Variants in AKAP8 observed in about 807,000 individuals in gnomAD.
AKAP8 encodes A-kinase anchor protein 8.
In AKAP8, 24 loss-of-function variants were observed where a neutral mutation model predicts 67.5. The observed-to-expected ratio is 0.36, with a 90% confidence interval of 0.26 to 0.50. AKAP8 has a LOEUF of 0.50. AKAP8 is among the 20% of genes least tolerant of loss of function. The pLI, the probability that AKAP8 is intolerant of heterozygous loss-of-function variation, is 0.97. For synonymous variants in AKAP8, 400 were observed against 371.1 expected, an observed-to-expected ratio of 1.08 and a Z score of -0.90; for missense variants, 971 against 955.9, an observed-to-expected ratio of 1.02 and a Z score of -0.21.
intron 9 of AKAP8, among the ~76,000 whole-genome samples, chr19:15,366,530 CT>C (rs920471999): frequency 1.6e-3 from 234 of 142,270 alleles, no homozygotes; most frequent in Admixed American, 2.0e-3. Context: ...CAGTGATTTT[CT>C]TTTTTTTTTT....
intron 9 of AKAP8, among the ~76,000 whole-genome samples, chr19:15,366,154 G>GA (rs374068497): frequency 0.77 from 73,290 of 94,678 alleles, 27,860 homozygotes; most frequent in East Asian, 0.97. Context: ...AAAGCAAAAA[G>GA]AAAAAAAAAA....
In AKAP8 at chr19:15,354,946, G is replaced by GC; in HGVS notation, c.2047dup (p.Ala683GlyfsTer4). 2 of 1,614,148 alleles carry GC rather than the reference G, an allele frequency of 1.2e-6. No individual in the cohort carries two copies. Among genetic ancestry groups the GC allele is most frequent in the East Asian group, 4.5e-5 (2 of 44,892 alleles). ...TGTGGGAACAGCGTCTTTAGACTCT[G>GC]CATCAGTTTGTTCCACTTCAGCATC... On this transcript the variant is annotated frameshift_variant, in exon 14 of 14. Coordinates refer to ENST00000269701, the MANE Select transcript of AKAP8 (RefSeq NM_005858.4). LOFTEE classifies it high-confidence loss of function.
chr19:15,374,073 A>T lies in AKAP8; in HGVS notation c.92-8T>A. 6.5e-7 allele frequency: 1 copy of T among 1,538,622 alleles called. No homozygotes were observed. Among genetic ancestry groups the T allele is most frequent in the Non-Finnish European group, 8.7e-7 (1 of 1,145,104 alleles). ...AATTGTAGTTTTCATAACCTGTCAC[A>T]GGGGGAGGAGCCAAGTCAGACTTCA... On this transcript the variant is annotated splice_region_variant and splice_polypyrimidine_tract_variant and intron_variant, in intron 3 of 13. Coordinates refer to ENST00000269701, the MANE Select transcript of AKAP8 (RefSeq NM_005858.4).
At chr19:15,361,528 T>G in intron 11 of AKAP8, 1 of 473,344 alleles carries the variant, frequency 2.1e-6, no homozygotes, top group Non-Finnish European at 3.8e-6. Context: ...TTTTTTGTAT[T>G]TTTTTAGTAG....
At position 15,354,440 on chromosome 19, in the gene AKAP8, C is replaced by A. The variant is rs2048263631; in HGVS notation, c.*475G>T. On this transcript the variant is annotated 3_prime_UTR_variant, in exon 14 of 14. Coordinates refer to ENST00000269701, the MANE Select transcript of AKAP8 (RefSeq NM_005858.4). ...TGCGAAGTCCTGTGAAAGTCACACA[C>A]CATATGGTGCACTACAAAGGTATAG... The A allele has an allele frequency of 6.1e-6, 1 of 163,088 alleles. No individual in the cohort carries two copies. Among genetic ancestry groups the A allele is most frequent in the Non-Finnish European group, 1.4e-5 (1 of 73,666 alleles). 10.1% of individuals were successfully genotyped at this position (163,088 alleles called of 1,614,324 possible). A position where few individuals can be genotyped will look rare whatever the true frequency, so the allele number is the denominator to read the frequency against.
chr19:15,360,394 C>T (rs1014455754), intron 12 of AKAP8, among the ~76,000 whole-genome samples: 2 of 152,294 alleles, frequency 1.3e-5, no homozygotes, highest in Non-Finnish European at 2.9e-5. Context: ...GTCTGCAATG[C>T]TAAAAATACT....
At position 15,354,349 on chromosome 19, in the gene AKAP8, C is replaced by T. The variant is rs145532714; in HGVS notation, c.*566G>A. ...TGTGTTTCCAGTGGCGTAGGTCGGT[C>T]AGATACTTCTGGCCTTTGGGAGTGC... On this transcript the variant is annotated 3_prime_UTR_variant, in exon 14 of 14. Transcript: ENST00000269701. The T allele has an allele frequency of 0.011, 1,686 of 156,442 alleles. 22 individuals are homozygous for T. The highest frequency in any genetic ancestry group is 0.039 in the African/African-American group (1,599 of 41,526). The allele number at this position is 156,442 out of a possible 1,614,324, so 9.7% of individuals were successfully genotyped here.
chr19:15,355,229 C>T lies in AKAP8; in HGVS notation c.1765G>A (p.Val589Ile), dbSNP rs150076099. The T allele has an allele frequency of 2.7e-5, 43 of 1,611,390 alleles. No individual in the cohort carries two copies. In the African/African-American group the frequency reaches 2.7e-4, roughly 10 times the overall value. Residue 589 changes from valine (V) to isoleucine (I), a missense_variant, in exon 14 of 14, where the codon GTA becomes ATA. Physicochemically the swap from Val to Ile is conservative, Grantham distance 29 (BLOSUM62 3). Around this residue, in one of 3 missense-constraint regions of AKAP8, gnomAD observed 204 missense variants for 193.0 expected, o/e 1.06. Coordinates refer to ENST00000269701, the MANE Select transcript of AKAP8 (RefSeq NM_005858.4). ...AEVITAAVRAVDGEGAPAPES... is the reference protein window; with the variant it reads ...AEVITAAVRAIDGEGAPAPES... ...GGAGCGGGCGCTCCTTCCCCATCTA[C>T]GGCCCTCACTGCTGCTGTAATCACC...
Position 15,355,234 on chromosome 19 carries a change from C to A in AKAP8, c.1760G>T (p.Arg587Met). Residue 587 changes from arginine to methionine, a missense_variant, in exon 14 of 14, where the codon AGG (arginine) becomes ATG (methionine). By Grantham distance (91) the Arg-to-Met change is moderately conservative. Transcript: ENST00000269701. The stretch of plus-strand genomic sequence containing the variant: ...GGGCGCTCCTTCCCCATCTACGGCC[C>A]TCACTGCTGCTGTAATCACCTCTGC... ...VLAEVITAAV[R>M]AVDGEGAPAP... 6.2e-7 allele frequency: 1 copy of A among 1,611,706 alleles called. No homozygotes were observed. The highest frequency in any genetic ancestry group is 8.5e-7 in the Non-Finnish European group (1 of 1,180,038).
chr19:15,359,172 G>C, intron 12 of AKAP8, 110 bp from the exon 13 acceptor site: 3 of 969,160 alleles, frequency 3.1e-6, no homozygotes, highest in East Asian at 2.4e-5. Context: ...GCAGAGAAGC[G>C]AATCTCAAAA....
Position 15,372,873 on chromosome 19 carries a change from G to T in AKAP8, c.839C>A (p.Pro280His). 6.7e-7 allele frequency: 1 copy of T among 1,501,282 alleles called. No individual in the cohort carries two copies. The highest frequency in any genetic ancestry group is 8.9e-7 in the Non-Finnish European group (1 of 1,125,900). 93.0% of individuals were successfully genotyped at this position (1,501,282 alleles called of 1,614,324 possible). A position where few individuals can be genotyped will look rare whatever the true frequency, so the allele number is the denominator to read the frequency against. ...TMPYGCGRSQ[P>H]RMRDRDRPKR... is the part of the protein sequence containing the mutation. ...TACCCGATCCCGATCCCGCATCCGA[G>T]GCTGCGAGCGGCCACATCCGTAGGG... The change falls in exon 5 of 14, where the codon CCT (proline) becomes CAT (histidine). Residue 280 changes from proline (P) to histidine (H), a missense_variant. Pro to His is a moderately conservative substitution (Grantham distance 77). Coordinates refer to ENST00000269701, the MANE Select transcript of AKAP8 (RefSeq NM_005858.4).
chr19:15,364,227 T>A (rs1315072214), intron 9 of AKAP8, among the ~76,000 whole-genome samples: 1 of 147,086 alleles, frequency 6.8e-6, no homozygotes, highest in Non-Finnish European at 1.5e-5. Flanking sequence ...AATGGTGCGA[T>A]CTCAGCTAAC....
chr19:15,372,995 G>T lies in AKAP8; in HGVS notation c.717C>A (p.Ser239=), dbSNP rs1450013190. 1 of 1,568,012 alleles carries T rather than the reference G, an allele frequency of 6.4e-7. No homozygotes were observed. The highest frequency in any genetic ancestry group is 1.7e-4 in the Middle Eastern group (1 of 5,868). ...AGAGGGACGGAGGTGGCCGGCTGGG[G>T]GAGGGCCCTCCCAGGCCCCGTCCAC... is the stretch of plus-strand genomic sequence containing the variant. The part of the protein sequence containing the change: ...YVGGRGLGGP[S]PSRPPPSLFS... Residue 239 remains serine, a synonymous_variant, in exon 5 of 14, where the codon TCC becomes TCA. Coordinates refer to ENST00000269701, the MANE Select transcript of AKAP8 (RefSeq NM_005858.4).
At chr19:15,373,731 C>A (rs549338745) in intron 4 of AKAP8, 55 bp downstream of exon 4, 3 of 1,541,270 alleles carry the variant, frequency 1.9e-6, no homozygotes, top group African/African-American at 2.7e-5. Context: ...CACTCCCATG[C>A]GCACAAAGGT....
chr19:15,365,969 A>G (rs1319067300), intron 9 of AKAP8, among the ~76,000 whole-genome samples: 2 of 151,200 alleles, frequency 1.3e-5, no homozygotes, highest in Non-Finnish European at 2.9e-5. Flanking sequence ...TGTTGCAGTG[A>G]GCTGAGATCG....
chr19:15,364,593 C>A (rs1476779445), intron 9 of AKAP8, among the ~76,000 whole-genome samples: 2 of 152,176 alleles, frequency 1.3e-5, no homozygotes, highest in Non-Finnish European at 2.9e-5. Flanking sequence ...TCGTGATTGA[C>A]CCACCTCAGC....
rs1967221572 is a variant in AKAP8, at chr19:15,374,638, T to C, written c.59-3A>G. The C allele has an allele frequency of 3.7e-6, 6 of 1,611,646 alleles. No individual in the cohort carries two copies. Among genetic ancestry groups the C allele is most frequent in the African/African-American group, 1.3e-5 (1 of 74,690 alleles). ...GGCCACACCAGTTCCATATGCACCT[T>C]AGGGGAAACAGAAACACACAAGAGC... is the stretch of plus-strand genomic sequence containing the variant. On this transcript the variant is annotated splice_region_variant and splice_polypyrimidine_tract_variant and intron_variant, in intron 2 of 13. Transcript: ENST00000269701.
Position 15,373,342 on chromosome 19 carries a change from T to C in AKAP8, c.372-2A>G. ...TCGAACGGCTGGAAGCGGAAGGAGC[T>C]GCAACAGAAGCACAGCCCATCAGGG... On this transcript the variant is annotated splice_acceptor_variant, in intron 4 of 13. Transcript: ENST00000269701. LOFTEE classifies it high-confidence loss of function. The C allele has an allele frequency of 1.2e-6, 2 of 1,602,714 alleles. No individual in the cohort carries two copies. Among genetic ancestry groups the C allele is most frequent in the South Asian group, 1.1e-5 (1 of 89,476 alleles).
In AKAP8 at chr19:15,368,220, G is replaced by C. The variant is rs779109106; in HGVS notation, c.1160+15C>G. On this transcript the variant is annotated intron_variant, in intron 9 of 13. Transcript: ENST00000269701. Reference sequence around the variant, plus strand: ...AGTCCACCTCCTCCTGTGGGGTCGTGTGCCCGCGCCTCACCTGTCGGCTGC... The same window carrying C: ...AGTCCACCTCCTCCTGTGGGGTCGTCTGCCCGCGCCTCACCTGTCGGCTGC... 1 of 1,610,078 alleles carries C rather than the reference G, an allele frequency of 6.2e-7. No individual in the cohort carries two copies. The highest frequency in any genetic ancestry group is 1.7e-5 in the Admixed American group (1 of 60,006).
Sources: gnomAD v4.1 joint callset for allele counts (sites outside exome capture counted in the v4.1 genomes callset) on GRCh38, gnomAD v4.1.1 for gene constraint, gnomAD v4.1.1 regional missense constraint, MANE v1.5 for transcripts, NCBI Gene and HGNC (gene_info 2026-07-23, HGNC 2026-07-21) for gene names.